ABCA12: variants seen among roughly 807,000 people sequenced by gnomAD.
ABCA12 encodes ATP binding cassette subfamily A member 12.
A neutral mutation model predicts 293.5 loss-of-function variants in ABCA12; 156 were observed. The observed-to-expected ratio is 0.53, with a 90% CI of 0.47 to 0.61. The LOEUF (loss-of-function observed/expected upper bound fraction) is 0.61, where lower values mean the gene tolerates loss of function less well. Ranked by LOEUF, ABCA12 falls within the 20% of genes least tolerant of loss-of-function variation. The pLI, the probability that ABCA12 is intolerant of heterozygous loss-of-function variation, is 0.00. For synonymous variants in ABCA12, 1,063 were observed against 1,108.0 expected (o/e 0.96, Z 0.81); for missense variants, 2,797 against 3,090.2 (o/e 0.91, Z 2.25).
chr2:215,018,279 AT>A, intron 13 of ABCA12, 147 bp from the exon 14 acceptor site: 1 of 904,014 alleles, frequency 1.1e-6, no homozygotes, highest in Non-Finnish European at 1.7e-6. Flanking sequence ...AACGTTGCAT[AT>A]TTAGGATCTA....
At chr2:215,092,619 C>T (rs185108129) in intron 2 of ABCA12, among the ~76,000 whole-genome samples, 91 of 152,292 alleles carry the variant, frequency 6.0e-4, no homozygotes, top group African/African-American at 2.1e-3. Flanking sequence ...CTTGTTATCA[C>T]TCACCTGTTA....
intron 38 of ABCA12, 89 bp downstream of exon 38, chr2:214,968,631 T>C (rs981768703): frequency 1.6e-6 from 2 of 1,244,042 alleles, no homozygotes; most frequent in African/African-American, 1.5e-5. Flanking sequence ...ATTGTACCCA[T>C]ATTTTGTTTT....
chr2:214,956,527 T>C (rs186195780), intron 42 of ABCA12, 136 bp downstream of exon 42: 1 of 651,954 alleles, frequency 1.5e-6, no homozygotes, highest in Admixed American at 2.8e-5. Context: ...GCAAGTGCAA[T>C]GTGTTGTTAG....
intron 1 of ABCA12, among the ~76,000 whole-genome samples, chr2:215,124,896 G>A (rs1384563695): frequency 6.6e-6 from 1 of 152,152 alleles, no homozygotes; most frequent in Non-Finnish European, 1.5e-5. Context: ...ATGTCTAGAA[G>A]GGTTTTTCCA....
chr2:215,081,472 C>G, intron 2 of ABCA12, among the ~76,000 whole-genome samples: 1 of 68,532 alleles, frequency 1.5e-5, no homozygotes, highest in Non-Finnish European at 2.6e-5. Flanking sequence ...AAGCAAGACT[C>G]TGTCTCAAAA....
At chr2:215,012,224 C>T in intron 15 of ABCA12, 89 bp from the exon 16 acceptor site, 3 of 1,200,428 alleles carry the variant, frequency 2.5e-6, no homozygotes, top group Non-Finnish European at 3.6e-6. Flanking sequence ...GGTACAGCCA[C>T]TTTGGAAAAC....
intron 28 of ABCA12, among the ~76,000 whole-genome samples, chr2:214,986,138 C>G (rs983080003): frequency 6.6e-6 from 1 of 152,032 alleles, no homozygotes; most frequent in South Asian, 2.1e-4. Flanking sequence ...ATAAATGAAA[C>G]AGGGTGGGTG....
chr2:214,956,756 G>C lies in ABCA12; in HGVS notation c.6140C>G (p.Ala2047Gly), dbSNP rs755491703. ...YDMVFYLVPV[A>G]FSIGIIAIFK... Reference sequence around the variant, plus strand: ...AATCGCAATGATACCAATTGAAAACGCTACAGGCACCAAGTAGAAAACCTA... The same window carrying C: ...AATCGCAATGATACCAATTGAAAACCCTACAGGCACCAAGTAGAAAACCTA... Residue 2047 changes from alanine (A) to glycine (G), a missense_variant, in exon 42 of 53, where the codon GCG (alanine) becomes GGG (glycine). This residue lies in a region of ABCA12 where 2,130 missense variants were observed against 2,427.0 expected (regional missense o/e 0.88). Coordinates refer to ENST00000272895, the MANE Select transcript of ABCA12 (RefSeq NM_173076.3). The C allele has an allele frequency of 5.6e-6, 9 of 1,612,518 alleles. No individual in the cohort carries two copies. Among genetic ancestry groups the C allele is most frequent in the Non-Finnish European group, 7.6e-6 (9 of 1,179,174 alleles).
At chr2:215,011,219 C>T (rs1700364346) in intron 17 of ABCA12, among the ~76,000 whole-genome samples, 1 of 152,172 alleles carries the variant, frequency 6.6e-6, no homozygotes, top group South Asian at 2.1e-4. Flanking sequence ...TTGAGCGACA[C>T]TGGCCAGGTT....
At chr2:215,008,659 A>G (rs930696455) in intron 18 of ABCA12, among the ~76,000 whole-genome samples, 1 of 151,936 alleles carries the variant, frequency 6.6e-6, no homozygotes. Flanking sequence ...ATAATAATCT[A>G]TAAAGGATTG....
At chr2:215,093,540 C>T (rs563885992) in intron 2 of ABCA12, among the ~76,000 whole-genome samples, 2 of 152,322 alleles carry the variant, frequency 1.3e-5, no homozygotes, top group East Asian at 1.9e-4. Context: ...GAACCAGAAC[C>T]GCGCCCTGTA....
intron 18 of ABCA12, 145 bp from the exon 19 acceptor site, chr2:215,007,991 C>G: frequency 1.9e-6 from 2 of 1,066,218 alleles, no homozygotes; most frequent in African/African-American, 3.2e-5. Flanking sequence ...AGAAATTTCC[C>G]ACATGGTCAA....
chr2:215,128,920 G>T (rs6705220), intron 1 of ABCA12, among the ~76,000 whole-genome samples: 1 of 152,030 alleles, frequency 6.6e-6, no homozygotes, highest in African/African-American at 2.4e-5. Context: ...TTCTCATTTG[G>T]GTAGGCTCTG....
intron 2 of ABCA12, among the ~76,000 whole-genome samples, chr2:215,095,118 G>A (rs1006164759): frequency 3.9e-5 from 6 of 152,064 alleles, no homozygotes; most frequent in Admixed American, 2.6e-4. Flanking sequence ...AATACAAGAC[G>A]ACAGGAATAG....
At chr2:215,082,438 A>T (rs1273892522) in intron 2 of ABCA12, among the ~76,000 whole-genome samples, 1 of 151,900 alleles carries the variant, frequency 6.6e-6, no homozygotes, top group Non-Finnish European at 1.5e-5. Context: ...CTAACTTTCA[A>T]CCATAGGCTG....
At chr2:215,010,308 A>C (rs1700343682) in intron 18 of ABCA12, 23 bp downstream of exon 18, 1 of 1,613,300 alleles carries the variant, frequency 6.2e-7, no homozygotes, top group East Asian at 2.2e-5. Context: ...GTCAAAATAG[A>C]AACTGAGTTA....
At chr2:215,131,296 T>A (rs1703049452) in intron 1 of ABCA12, among the ~76,000 whole-genome samples, 1 of 152,018 alleles carries the variant, frequency 6.6e-6, no homozygotes, top group Admixed American at 6.6e-5. Context: ...TTGGAATAGT[T>A]TCACCAAGAT....
chr2:214,989,303 T>C (rs370943298), intron 26 of ABCA12, 26 bp downstream of exon 26: 3 of 1,610,716 alleles, frequency 1.9e-6, no homozygotes, highest in South Asian at 2.2e-5. Flanking sequence ...ATAAAAAGCA[T>C]GTATCTGTAG....
intron 33 of ABCA12, among the ~76,000 whole-genome samples, chr2:214,977,341 A>T (rs988450446): frequency 2.0e-5 from 3 of 152,196 alleles, no homozygotes; most frequent in African/African-American, 7.2e-5. Flanking sequence ...AAAGTCCTCA[A>T]TGCCATGGAG....
Sources: allele counts gnomAD v4.1 joint callset (sites outside exome capture counted in the v4.1 genomes callset), GRCh38; gene constraint gnomAD v4.1.1; regional missense constraint gnomAD v4.1.1; transcripts MANE v1.5; gene names NCBI Gene and HGNC (gene_info 2026-07-23, HGNC 2026-07-21).